The following AGBL1 variants were observed in gnomAD, a reference collection of about 807,000 sequenced individuals.
AGBL1 encodes cytosolic carboxypeptidase 4.
AGBL1 carries 130 observed loss-of-function variants against 118.9 expected under a neutral mutation model. The ratio of observed to expected loss-of-function variants is 1.09; its 90% CI spans 0.95 to 1.26. The LOEUF is 1.26. Ranked by LOEUF, AGBL1 falls within the 50% of genes most tolerant of loss-of-function variation. The probability of loss-of-function intolerance (pLI) is 0.00; values close to 1 mark genes in which losing one functional copy is unlikely to be tolerated. For missense variants in AGBL1, 1,584 were observed against 1,298.1 expected (o/e 1.22, Z -3.38); for synonymous variants, 555 against 478.9 (o/e 1.16, Z -2.08).
chr15:86,614,358 A>G lies in AGBL1; in HGVS notation c.2994+59821A>G, dbSNP rs117537536. 1.4e-3 allele frequency among the ~76,000 whole-genome samples: 216 copies of G among 152,302 alleles called. 1 individual carries two copies. In the South Asian group the frequency reaches 0.018, roughly 13 times the overall value. ...ATTGCTGTTCACATGAATACCCAATACCTGGAATACTCCACCTTGTTCTAT... is the reference window on the plus strand; with the variant it reads ...ATTGCTGTTCACATGAATACCCAATGCCTGGAATACTCCACCTTGTTCTAT... On this transcript the variant is annotated intron_variant, in intron 21 of 22. Coordinates refer to ENST00000614907, the MANE Select transcript of AGBL1 (RefSeq NM_001386094.1).
intron 18 of AGBL1, among the ~76,000 whole-genome samples, chr15:86,473,045 A>G (rs1266946167): frequency 2.0e-5 from 3 of 152,246 alleles, no homozygotes; most frequent in East Asian, 3.8e-4. Context: ...AATAGTATAT[A>G]TTACTTTAAC....
chr15:86,502,025 A>G (rs184606799), intron 18 of AGBL1, among the ~76,000 whole-genome samples: 4 of 151,740 alleles, frequency 2.6e-5, no homozygotes, highest in African/African-American at 9.6e-5. Context: ...CTGTAGATCA[A>G]TCTGGGAAGT....
downstream of AGBL1, among the ~76,000 whole-genome samples, chr15:86,921,108 G>A (rs1238588429): frequency 1.3e-5 from 2 of 152,188 alleles, no homozygotes; most frequent in Non-Finnish European, 2.9e-5. Flanking sequence ...CAATAAATAC[G>A]TGGTGGTTAT....
chr15:86,540,288 TA>T (rs2083476618), intron 19 of AGBL1, among the ~76,000 whole-genome samples: 1 of 152,162 alleles, frequency 6.6e-6, no homozygotes, highest in African/African-American at 2.4e-5. Context: ...AATCAATTGA[TA>T]AACAACAAGA....
intron 1 of AGBL1, among the ~76,000 whole-genome samples, chr15:86,121,447 AG>A (rs1898090401): frequency 6.6e-6 from 1 of 152,234 alleles, no homozygotes; most frequent in South Asian, 2.1e-4. Flanking sequence ...TAGGTCTAAG[AG>A]GGACCTTATT....
chr15:86,815,279 T>C (rs2078842465), intron 22 of AGBL1, among the ~76,000 whole-genome samples: 1 of 152,076 alleles, frequency 6.6e-6, no homozygotes, highest in South Asian at 2.1e-4. Flanking sequence ...ATTTTAAAAT[T>C]GGGGGATATT....
At chr15:86,472,805 G>C (rs984232123) in intron 18 of AGBL1, among the ~76,000 whole-genome samples, 1 of 152,132 alleles carries the variant, frequency 6.6e-6, no homozygotes, top group Non-Finnish European at 1.5e-5. Flanking sequence ...TGTAATCCCA[G>C]CTACTTGGGA....
chr15:86,485,174 T>A (rs1318446597), intron 18 of AGBL1, among the ~76,000 whole-genome samples: 1 of 152,142 alleles, frequency 6.6e-6, no homozygotes, highest in Non-Finnish European at 1.5e-5. Flanking sequence ...TGGGCCAGTA[T>A]CACTGGCATT....
chr15:86,156,585 G>A (rs2077194404), intron 4 of AGBL1, among the ~76,000 whole-genome samples: 1 of 152,078 alleles, frequency 6.6e-6, no homozygotes, highest in Non-Finnish European at 1.5e-5. Flanking sequence ...TGGGGTGAAT[G>A]GGAGAATGTT....
chr15:86,603,353 A>C (rs1443371547), intron 21 of AGBL1, among the ~76,000 whole-genome samples: 1 of 152,182 alleles, frequency 6.6e-6, no homozygotes, highest in Non-Finnish European at 1.5e-5. Context: ...TTGTTTAGGA[A>C]ATAGTTGGAA....
rs965608781 is a variant in AGBL1 at position 86,264,632 on chromosome 15, G to T, written c.1461G>T (p.Arg487Ser). ...RMSASFSNSTRTREVVKVIDK... is the reference protein window; with the variant it reads ...RMSASFSNSTSTREVVKVIDK... The stretch of plus-strand genomic sequence containing the variant: ...GTGCCTCCTTTTCTAATTCCACTAG[G>T]ACTAGAGAAGTTGTCAAAGTAATAG... Residue 487 changes from arginine to serine, a missense_variant, in exon 11 of 23, where the codon AGG becomes AGT. Coordinates refer to ENST00000614907, the MANE Select transcript of AGBL1 (RefSeq NM_001386094.1). 1 of 1,613,898 alleles carries T rather than the reference G, an allele frequency of 6.2e-7. No homozygotes were observed. The highest frequency in any genetic ancestry group is 1.7e-5 in the Admixed American group (1 of 60,008).
intron 5 of AGBL1, among the ~76,000 whole-genome samples, chr15:86,195,079 T>C (rs1450910529): frequency 2.0e-5 from 3 of 152,208 alleles, no homozygotes; most frequent in Non-Finnish European, 4.4e-5. Context: ...ATGTATTCAC[T>C]TTTTCATCAT....
At chr15:86,706,979 T>A (rs1270618443) in intron 22 of AGBL1, among the ~76,000 whole-genome samples, 1 of 152,042 alleles carries the variant, frequency 6.6e-6, no homozygotes, top group Non-Finnish European at 1.5e-5. Flanking sequence ...AATGAATAGA[T>A]ATAATAAGAG....
chr15:86,894,040 C>T (rs1408351933), intron 22 of AGBL1, among the ~76,000 whole-genome samples: 1 of 152,058 alleles, frequency 6.6e-6, no homozygotes, highest in African/African-American at 2.4e-5. Context: ...TATATTTTGC[C>T]CCTACACCAT....
intron 5 of AGBL1, among the ~76,000 whole-genome samples, chr15:86,178,693 A>G (rs1450162730): frequency 2.0e-5 from 3 of 152,256 alleles, no homozygotes; most frequent in African/African-American, 7.2e-5. Flanking sequence ...AAACTCTTGG[A>G]GAAAATTTAA....
chr15:86,629,596 A>G (rs1190589654), intron 21 of AGBL1, among the ~76,000 whole-genome samples: 1 of 152,238 alleles, frequency 6.6e-6, no homozygotes, highest in South Asian at 2.1e-4. Context: ...AATGGAGATG[A>G]GGTTGCAGCT....
intron 17 of AGBL1, among the ~76,000 whole-genome samples, chr15:86,306,164 T>A (rs959675584): frequency 1.3e-5 from 2 of 152,144 alleles, no homozygotes; most frequent in African/African-American, 4.8e-5. Flanking sequence ...GAGTTACAAA[T>A]AATCTAGTTA....
intron 23 of AGBL1, among the ~76,000 whole-genome samples, chr15:86,984,361 CT>C (rs2081259874): frequency 3.5e-5 from 5 of 143,438 alleles, no homozygotes; most frequent in Admixed American, 1.4e-4. Context: ...ATTTTTTTCT[CT>C]CTTTTTTTTT....
At chr15:86,333,743 A>G (rs559142176) in intron 17 of AGBL1, among the ~76,000 whole-genome samples, 95 of 152,256 alleles carry the variant, frequency 6.2e-4, no homozygotes, top group Admixed American at 3.3e-4. Context: ...AAAGGAAACT[A>G]CAGGTCAATA....
Sources: allele counts gnomAD v4.1 joint callset (sites outside exome capture counted in the v4.1 genomes callset), GRCh38; gene constraint gnomAD v4.1.1; transcripts MANE v1.5; gene names NCBI Gene and HGNC (gene_info 2026-07-23, HGNC 2026-07-21).